Variants in ALG6 observed in about 807,000 individuals in gnomAD.
ALG6 encodes dolichyl pyrophosphate Man9GlcNAc2 alpha-1,3-glucosyltransferase.
A neutral mutation model predicts 66.6 loss-of-function variants in ALG6; 46 were observed. The ratio of observed to expected loss-of-function variants is 0.69; its 90% CI spans 0.55 to 0.88. ALG6 has a LOEUF of 0.88. Among genes scored for constraint, ALG6 ranks in the 40% least tolerant of loss-of-function variants. ALG6 has a pLI of 0.00. For synonymous variants in ALG6, 185 were observed against 203.7 expected (o/e 0.91, Z 0.78); for missense variants, 505 against 586.8 (o/e 0.86, Z 1.44).
intron 12 of ALG6, among the ~76,000 whole-genome samples, chr1:63,422,225 A>AGATATAAATATATATATG (rs1491422091): frequency 1.4e-5 from 1 of 71,588 alleles, no homozygotes; most frequent in East Asian, 3.1e-4. Flanking sequence ...ATATTTATAT[A>AGATATAAATATATATATG]AATATAAATA....
At chr1:63,423,365 T>A (rs981465901) in intron 12 of ALG6, among the ~76,000 whole-genome samples, 2 of 152,212 alleles carry the variant, frequency 1.3e-5, no homozygotes, top group Non-Finnish European at 2.9e-5. Context: ...ATTATATTTT[T>A]AAAATTGTGT....
intron 12 of ALG6, among the ~76,000 whole-genome samples, chr1:63,423,171 A>G (rs1007097832): frequency 6.6e-6 from 1 of 151,540 alleles, no homozygotes; most frequent in Non-Finnish European, 1.5e-5. Flanking sequence ...CTACAGACGC[A>G]CACCACCACG....
chr1:63,376,729 A>G (rs1384383056), intron 2 of ALG6, among the ~76,000 whole-genome samples: 1 of 152,206 alleles, frequency 6.6e-6, no homozygotes, highest in East Asian at 1.9e-4. Flanking sequence ...TTGACCTAGT[A>G]TGTAATCAGC....
intron 14 of ALG6, among the ~76,000 whole-genome samples, chr1:63,436,266 CTATT>C (rs1173110553): frequency 6.6e-6 from 1 of 152,066 alleles, no homozygotes. Context: ...GGTAACTGGG[CTATT>C]TATTACCTTA....
At chr1:63,419,276 T>C in intron 11 of ALG6, 94 bp from the exon 12 acceptor site, 1 of 1,061,706 alleles carries the variant, frequency 9.4e-7, no homozygotes, top group Non-Finnish European at 1.4e-6. Context: ...CTTTCAACTT[T>C]CATTTGAAAT....
chr1:63,407,272 C>T, intron 7 of ALG6, 146 bp downstream of exon 7: 2 of 636,300 alleles, frequency 3.1e-6, no homozygotes, highest in Admixed American at 5.4e-5. Context: ...AGAATCTCTT[C>T]ACTAAGCTTT....
chr1:63,396,806 T>A (rs1648837551), intron 3 of ALG6, among the ~76,000 whole-genome samples: 2 of 152,206 alleles, frequency 1.3e-5, no homozygotes, highest in Non-Finnish European at 2.9e-5. Flanking sequence ...TTAGGTGGGC[T>A]ATGATGCTGA....
At chr1:63,378,237 G>C (rs1021553801) in intron 2 of ALG6, among the ~76,000 whole-genome samples, 1 of 151,958 alleles carries the variant, frequency 6.6e-6, no homozygotes, top group Non-Finnish European at 1.5e-5. Flanking sequence ...AGTTTTGCTG[G>C]GTATGGAATT....
chr1:63,404,343 A>G, intron 4 of ALG6, 110 bp from the exon 5 acceptor site: 1 of 899,054 alleles, frequency 1.1e-6, no homozygotes, highest in Non-Finnish European at 1.9e-6. Flanking sequence ...GTTGCTTTAT[A>G]AGAGAAATGG....
rs1648752581 is a variant in ALG6 at position 63,394,274 on chromosome 1, T to C, written c.83-2239T>C. Among the ~76,000 whole-genome samples, 4 of 152,254 alleles carry C rather than the reference T, an allele frequency of 2.6e-5. No individual in the cohort carries two copies. The South Asian group carries it at 8.3e-4, about 31-fold the overall frequency. ...CCAGTTTAAAAAGCTGTGATTATAC[T>C]GTACCTCTTTGGGCCTTCTCACAAT... On this transcript the variant is annotated intron_variant, in intron 2 of 14. Transcript: ENST00000263440.
At position 63,370,935 on chromosome 1, in the gene ALG6, C is replaced by T. The variant is rs771741581; in HGVS notation, c.-43C>T. 2.6e-6 allele frequency: 3 copies of T among 1,159,464 alleles called. No individual in the cohort carries two copies. The highest frequency in any genetic ancestry group is 3.9e-6 in the Non-Finnish European group (3 of 764,526). The allele number at this position is 1,159,464 out of a possible 1,614,324, so 71.8% of individuals were successfully genotyped here. On this transcript the variant is annotated 5_prime_UTR_variant, in exon 2 of 15. Coordinates refer to ENST00000263440, the MANE Select transcript of ALG6 (RefSeq NM_013339.4). ...TGACCACGTTTTAAAAGTACTCTGGCACTGGTGCTGTGTTTTCTTCCCCTC... is the reference window on the plus strand; with the variant it reads ...TGACCACGTTTTAAAAGTACTCTGGTACTGGTGCTGTGTTTTCTTCCCCTC...
chr1:63,397,473 C>T (rs997184435), intron 3 of ALG6, among the ~76,000 whole-genome samples: 1 of 152,128 alleles, frequency 6.6e-6, no homozygotes, highest in Non-Finnish European at 1.5e-5. Flanking sequence ...GCTTGAGCCA[C>T]CATGTGCGGC....
intron 14 of ALG6, among the ~76,000 whole-genome samples, chr1:63,431,874 CTT>C (rs905224383): frequency 4.5e-4 from 68 of 152,222 alleles, no homozygotes; most frequent in African/African-American, 1.6e-3. Flanking sequence ...GTATATTCAA[CTT>C]GTATTCTTCG....
At chr1:63,428,712 T>G (rs770415732) in intron 12 of ALG6, 21 bp from the exon 13 acceptor site, 10 of 1,506,256 alleles carry the variant, frequency 6.6e-6, no homozygotes, top group Non-Finnish European at 8.2e-6. Context: ...TATTAAAATA[T>G]TTTTTTCTTT....
At chr1:63,369,966 G>A (rs1369988885) in intron 1 of ALG6, among the ~76,000 whole-genome samples, 1 of 151,938 alleles carries the variant, frequency 6.6e-6, no homozygotes, top group African/African-American at 2.4e-5. Flanking sequence ...TCACAGGCGA[G>A]CGCCACCATA....
chr1:63,427,337 A>G (rs550861895), intron 12 of ALG6, among the ~76,000 whole-genome samples: 2 of 151,964 alleles, frequency 1.3e-5, no homozygotes, highest in South Asian at 4.2e-4. Context: ...AGTAGTTTTC[A>G]GTTTATAATC....
chr1:63,395,243 TC>T (rs1648786247), intron 2 of ALG6, among the ~76,000 whole-genome samples: 1 of 152,252 alleles, frequency 6.6e-6, no homozygotes, highest in Non-Finnish European at 1.5e-5. Flanking sequence ...AAATCCATTA[TC>T]CCTTATTTGC....
At chr1:63,428,217 CTTTTAA>C (rs1644627269) in intron 12 of ALG6, 2 of 152,524 alleles carry the variant, frequency 1.3e-5, no homozygotes, top group African/African-American at 2.4e-5. Flanking sequence ...TTTCTTCCTC[CTTTTAA>C]TTTTATTATT....
At chr1:63,406,776 T>C (rs1644491568) in intron 6 of ALG6, among the ~76,000 whole-genome samples, 1 of 152,080 alleles carries the variant, frequency 6.6e-6, no homozygotes, top group South Asian at 2.1e-4. Flanking sequence ...TTAGATAGGT[T>C]AACATTAGAT....
Sources: gnomAD v4.1 joint callset for allele counts (sites outside exome capture counted in the v4.1 genomes callset) on GRCh38, gnomAD v4.1.1 for gene constraint, MANE v1.5 for transcripts, NCBI Gene and HGNC (gene_info 2026-07-23, HGNC 2026-07-21) for gene names.